The following RALGPS2 variants were observed in gnomAD, a reference collection of about 807,000 sequenced individuals.
RALGPS2 encodes the protein Ral GEF with PH domain and SH3 binding motif 2, also known as ras-specific guanine nucleotide-releasing factor RalGPS2.
Under a neutral mutation model 86.8 loss-of-function variants are expected in RALGPS2, and 43 were observed. The observed-to-expected ratio is 0.50, with a 90% CI of 0.39 to 0.64. RALGPS2 has a LOEUF of 0.64. Ranked by LOEUF, RALGPS2 falls within the 30% of genes least tolerant of loss-of-function variation. RALGPS2 has a pLI of 0.00. For missense variants in RALGPS2, 536 were observed against 694.6 expected (o/e 0.77, Z 2.57); for synonymous variants, 243 against 231.3 (o/e 1.05, Z -0.46).
At chr1:178,805,645 CCTTA>C (rs1189475018) in intron 4 of RALGPS2, among the ~76,000 whole-genome samples, 1 of 151,988 alleles carries the variant, frequency 6.6e-6, no homozygotes, top group Non-Finnish European at 1.5e-5. Flanking sequence ...ATATCTAAAT[CCTTA>C]CTTTTCCTTG....
intron 1 of RALGPS2, among the ~76,000 whole-genome samples, chr1:178,733,621 A>T (rs1472942199): frequency 6.6e-6 from 1 of 152,254 alleles, no homozygotes; most frequent in Non-Finnish European, 1.5e-5. Flanking sequence ...GTGGGTTTGA[A>T]AATTGGTACA....
intron 1 of RALGPS2, among the ~76,000 whole-genome samples, chr1:178,763,294 T>C (rs1199709760): frequency 6.6e-6 from 1 of 152,224 alleles, no homozygotes. Flanking sequence ...TCCTGCTTTG[T>C]TATTTTTGCT....
intron 4 of RALGPS2, among the ~76,000 whole-genome samples, chr1:178,802,386 C>A (rs940036101): frequency 5.3e-5 from 8 of 152,118 alleles, no homozygotes; most frequent in African/African-American, 1.9e-4. Flanking sequence ...CATGACTTTT[C>A]TTTGCTTCTT....
At chr1:178,762,147 G>T (rs1219518275) in intron 1 of RALGPS2, among the ~76,000 whole-genome samples, 1 of 152,056 alleles carries the variant, frequency 6.6e-6, no homozygotes, top group Non-Finnish European at 1.5e-5. Context: ...TAGGATAATG[G>T]CCTCCAGCTC....
chr1:178,897,430 GT>G (rs1659997347), intron 16 of RALGPS2, among the ~76,000 whole-genome samples: 1 of 152,018 alleles, frequency 6.6e-6, no homozygotes, highest in African/African-American at 2.4e-5. Flanking sequence ...TAGAATCGGG[GT>G]TAACTATTCT....
At chr1:178,794,660 T>G (rs1401961991) in intron 4 of RALGPS2, among the ~76,000 whole-genome samples, 1 of 152,224 alleles carries the variant, frequency 6.6e-6, no homozygotes, top group South Asian at 2.1e-4. Flanking sequence ...ATGAACTTTC[T>G]GTTACTAAGC....
chr1:178,813,724 G>A (rs1417658567), intron 6 of RALGPS2, among the ~76,000 whole-genome samples: 1 of 152,210 alleles, frequency 6.6e-6, no homozygotes. Flanking sequence ...AAACTCAGGA[G>A]TTTAGGCACT....
chr1:178,804,168 T>C (rs1654618456), intron 4 of RALGPS2, among the ~76,000 whole-genome samples: 2 of 151,708 alleles, frequency 1.3e-5, no homozygotes, highest in South Asian at 2.1e-4. Context: ...GAACAAAATA[T>C]AGCAAAATCC....
chr1:178,732,802 T>A (rs956174834), intron 1 of RALGPS2, among the ~76,000 whole-genome samples: 15 of 152,230 alleles, frequency 9.9e-5, no homozygotes, highest in Non-Finnish European at 1.6e-4. Context: ...AGAGATCATC[T>A]TTTCCATTAA....
At chr1:178,784,282 A>T (rs1024909966) in intron 2 of RALGPS2, 136 bp from the exon 3 acceptor site, 4 of 496,182 alleles carry the variant, frequency 8.1e-6, no homozygotes, top group Non-Finnish European at 6.9e-6. Flanking sequence ...ACAACTAAGC[A>T]GCATGTTGTG....
intron 1 of RALGPS2, among the ~76,000 whole-genome samples, chr1:178,740,163 A>G (rs1650938534): frequency 6.6e-6 from 1 of 152,218 alleles, no homozygotes. Context: ...CTTAACTACT[A>G]TAACTAAGTA....
chr1:178,824,808 C>CA (rs1194941319), intron 7 of RALGPS2, among the ~76,000 whole-genome samples: 13 of 142,020 alleles, frequency 9.2e-5, no homozygotes, highest in South Asian at 2.2e-4. Context: ...GACTCTGTCT[C>CA]AAAAAAAAAG....
intron 1 of RALGPS2, among the ~76,000 whole-genome samples, chr1:178,761,795 A>C (rs1305988067): frequency 6.6e-6 from 1 of 152,100 alleles, no homozygotes; most frequent in Non-Finnish European, 1.5e-5. Flanking sequence ...TCCTGACCTC[A>C]AATGATCCAC....
At chr1:178,847,188 G>A (rs1240212943) in intron 8 of RALGPS2, among the ~76,000 whole-genome samples, 1 of 152,248 alleles carries the variant, frequency 6.6e-6, no homozygotes, top group Non-Finnish European at 1.5e-5. Context: ...GCTCATGCCT[G>A]TAATCCCAGC....
At chr1:178,839,280 C>G (rs2102263539) in intron 8 of RALGPS2, among the ~76,000 whole-genome samples, 1 of 152,292 alleles carries the variant, frequency 6.6e-6, no homozygotes, top group African/African-American at 2.4e-5. Context: ...AGGTTACCCT[C>G]AAAGGGAAGC....
intron 8 of RALGPS2, chr1:178,864,933 T>C (rs200893945): frequency 1.4e-6 from 2 of 1,406,616 alleles, no homozygotes; most frequent in African/African-American, 1.4e-5. Context: ...CTCCCACTTT[T>C]TACAGTAAGA....
intron 8 of RALGPS2, chr1:178,869,296 G>T (rs2102347188): frequency 6.6e-6 from 1 of 152,150 alleles, no homozygotes; most frequent in South Asian, 2.1e-4. Context: ...CATTTAACTG[G>T]CTGTGTCATG....
At chr1:178,896,170 GCTAA>G (rs1659929621) in intron 16 of RALGPS2, among the ~76,000 whole-genome samples, 1 of 152,132 alleles carries the variant, frequency 6.6e-6, no homozygotes, top group African/African-American at 2.4e-5. Flanking sequence ...TAGAGGCTTT[GCTAA>G]AATTACAATC....
At chr1:178,845,768 A>G (rs1019369843) in intron 8 of RALGPS2, among the ~76,000 whole-genome samples, 2 of 152,182 alleles carry the variant, frequency 1.3e-5, no homozygotes, top group African/African-American at 4.8e-5. Flanking sequence ...TGCTAAATAT[A>G]TAGCAAGAGA....
Sources: gnomAD v4.1 joint callset for allele counts (sites outside exome capture counted in the v4.1 genomes callset) on GRCh38, gnomAD v4.1.1 for gene constraint, MANE v1.5 for transcripts, NCBI Gene and HGNC (gene_info 2026-07-23, HGNC 2026-07-21) for gene names.